NAALADL2: variants seen among roughly 807,000 people sequenced by gnomAD.
NAALADL2 encodes N-acetylated alpha-linked acidic dipeptidase like 2.
Under a neutral mutation model 87.2 loss-of-function variants are expected in NAALADL2, and 76 were observed. The observed-to-expected ratio is 0.87, with a 90% CI of 0.72 to 1.05. The LOEUF is 1.05. NAALADL2 is among the 50% of genes least tolerant of loss of function. The pLI, the probability that NAALADL2 is intolerant of heterozygous loss-of-function variation, is 0.00. For synonymous variants in NAALADL2, 354 were observed against 331.0 expected (o/e 1.07, Z -0.75); for missense variants, 1,089 against 945.8 (o/e 1.15, Z -1.99).
intron 2 of NAALADL2, among the ~76,000 whole-genome samples, chr3:175,209,706 G>GATATATATATAT (rs145591532): frequency 2.7e-5 from 4 of 149,446 alleles, no homozygotes; most frequent in African/African-American, 9.8e-5. Flanking sequence ...AGTTATTTTG[G>GATATATATATAT]ATATATATAT....
chr3:175,687,547 G>T (rs1161653750), intron 11 of NAALADL2, among the ~76,000 whole-genome samples: 4 of 152,156 alleles, frequency 2.6e-5, no homozygotes, highest in Non-Finnish European at 4.4e-5. Flanking sequence ...CCTGAGTTAT[G>T]TGACTAGCAA....
chr3:175,481,699 CA>C, intron 9 of NAALADL2, among the ~76,000 whole-genome samples: 1 of 151,900 alleles, frequency 6.6e-6, no homozygotes, highest in African/African-American at 2.4e-5. Context: ...AAATGTCTAT[CA>C]GGAGGAAAAC....
At chr3:175,151,195 C>G (rs1209217062) in intron 2 of NAALADL2, among the ~76,000 whole-genome samples, 1 of 152,254 alleles carries the variant, frequency 6.6e-6, no homozygotes, top group African/African-American at 2.4e-5. Context: ...CATTTACAAC[C>G]TTGTTTTCTC....
chr3:175,229,300 A>T (rs1403863757), intron 2 of NAALADL2, among the ~76,000 whole-genome samples: 4 of 151,976 alleles, frequency 2.6e-5, no homozygotes, highest in African/African-American at 9.7e-5. Context: ...TTTTACATAG[A>T]AAAAATGAAG....
intron 9 of NAALADL2, among the ~76,000 whole-genome samples, chr3:175,515,861 A>G (rs1731767007): frequency 6.6e-6 from 1 of 152,232 alleles, no homozygotes; most frequent in Non-Finnish European, 1.5e-5. Flanking sequence ...GCTATATCAT[A>G]TGCCTGTACC....
intron 2 of NAALADL2, among the ~76,000 whole-genome samples, chr3:175,190,594 A>G (rs1183244675): frequency 6.6e-6 from 1 of 152,194 alleles, no homozygotes; most frequent in Non-Finnish European, 1.5e-5. Context: ...GGCAACGTAG[A>G]TGGTGCGGTC....
At chr3:174,573,708 A>C (rs1028731880) in intron 2 of NAALADL2, among the ~76,000 whole-genome samples, 11 of 152,006 alleles carry the variant, frequency 7.2e-5, no homozygotes, top group Non-Finnish European at 1.6e-4. Flanking sequence ...AAGGTGCCAC[A>C]CTTTTTTTAG....
At chr3:174,807,913 G>A (rs1369223296) in intron 3 of NAALADL2, among the ~76,000 whole-genome samples, 1 of 151,612 alleles carries the variant, frequency 6.6e-6, no homozygotes, top group Non-Finnish European at 1.5e-5. Flanking sequence ...TGCAGTGGCA[G>A]TAGTAGAATG....
chr3:174,872,277 T>G, intron 1 of NAALADL2, among the ~76,000 whole-genome samples: 1 of 152,150 alleles, frequency 6.6e-6, no homozygotes, highest in East Asian at 1.9e-4. Context: ...ATGGCCATAT[T>G]TAAGAGTCAC....
chr3:175,276,207 A>G (rs148591727), intron 4 of NAALADL2, among the ~76,000 whole-genome samples: 1,789 of 151,928 alleles, frequency 0.012, 30 homozygotes, highest in African/African-American at 0.041. Context: ...ATCCATTTCC[A>G]AGTTTATTCA....
intron 1 of NAALADL2, among the ~76,000 whole-genome samples, chr3:175,068,478 C>A (rs901532658): frequency 1.3e-5 from 2 of 152,018 alleles, no homozygotes; most frequent in African/African-American, 2.4e-5. Context: ...TTGTGATAGA[C>A]CACCTCAAAA....
chr3:175,633,064 TGAGACAGGCTAAAAGACCCAG>T (rs945630555), intron 11 of NAALADL2, among the ~76,000 whole-genome samples: 3 of 152,110 alleles, frequency 2.0e-5, no homozygotes, highest in Non-Finnish European at 4.4e-5. Context: ...AAGAGTAAAA[TGAGACAGGCTAAAAGACCCAG>T]GATAGAGCGG....
chr3:174,915,412 A>G (rs1734235077), intron 1 of NAALADL2, among the ~76,000 whole-genome samples: 1 of 152,164 alleles, frequency 6.6e-6, no homozygotes, highest in African/African-American at 2.4e-5. Context: ...ATGGAACATT[A>G]GATATCTTTC....
At chr3:175,693,617 G>C (rs1219999184) in intron 11 of NAALADL2, among the ~76,000 whole-genome samples, 2 of 152,074 alleles carry the variant, frequency 1.3e-5, no homozygotes, top group East Asian at 3.9e-4. Flanking sequence ...ATCATAGGTA[G>C]CTCCATTTAG....
At chr3:175,722,706 C>T (rs889452698) in intron 11 of NAALADL2, among the ~76,000 whole-genome samples, 1 of 152,032 alleles carries the variant, frequency 6.6e-6, no homozygotes, top group Non-Finnish European at 1.5e-5. Flanking sequence ...ACCAGTAATG[C>T]ATAATATAAT....
intron 4 of NAALADL2, among the ~76,000 whole-genome samples, chr3:175,263,031 A>G (rs1046744005): frequency 6.6e-6 from 1 of 150,762 alleles, no homozygotes; most frequent in African/African-American, 2.4e-5. Context: ...CAATGTCTCC[A>G]TCTTTTATGA....
intron 1 of NAALADL2, among the ~76,000 whole-genome samples, chr3:175,036,289 G>A (rs375838428): frequency 1.3e-5 from 2 of 151,720 alleles, no homozygotes; most frequent in African/African-American, 4.8e-5. Context: ...TGTCATTTTC[G>A]ACCATCAATA....
intron 1 of NAALADL2, among the ~76,000 whole-genome samples, chr3:174,489,766 C>T (rs1248787235): frequency 6.6e-6 from 1 of 152,072 alleles, no homozygotes. Flanking sequence ...ATCAAAGCCA[C>T]AGTGAGAGAC....
intron 10 of NAALADL2, among the ~76,000 whole-genome samples, chr3:175,623,065 T>G (rs1340748151): frequency 6.6e-6 from 1 of 151,990 alleles, no homozygotes; most frequent in East Asian, 1.9e-4. Flanking sequence ...AAAACTGACC[T>G]AAAAAGAAGG....
Sources: gnomAD v4.1 joint callset for allele counts (sites outside exome capture counted in the v4.1 genomes callset) on GRCh38, gnomAD v4.1.1 for gene constraint, MANE v1.5 for transcripts, NCBI Gene and HGNC (gene_info 2026-07-23, HGNC 2026-07-21) for gene names.